Variants in SMYD3 observed in about 807,000 individuals in gnomAD.
SMYD3 encodes SET and MYND domain containing 3.
SMYD3 carries 36 observed loss-of-function variants against 57.7 expected under a neutral mutation model. The ratio of observed to expected loss-of-function variants is 0.62; its 90% CI spans 0.48 to 0.82. The LOEUF is 0.82. Ranked by LOEUF, SMYD3 falls within the 40% of genes least tolerant of loss-of-function variation. SMYD3 has a pLI of 0.00. For missense variants in SMYD3, 515 were observed against 538.8 expected (o/e 0.96, Z 0.44); for synonymous variants, 211 against 195.0 (o/e 1.08, Z -0.68).
chr1:246,458,441 T>G (rs998140742), intron 1 of SMYD3, among the ~76,000 whole-genome samples: 1 of 61,318 alleles, frequency 1.6e-5, no homozygotes, highest in Non-Finnish European at 3.4e-5. Context: ...AGTCATTCTT[T>G]TTTTTTTTTT....
chr1:245,946,103 T>G (rs10924398), intron 5 of SMYD3, among the ~76,000 whole-genome samples: 6,708 of 152,208 alleles, frequency 0.044, 485 homozygotes, highest in African/African-American at 0.15. Context: ...GTCCTGTACA[T>G]GCACCCCCGC....
chr1:245,820,619 A>G (rs2049107897), intron 10 of SMYD3, among the ~76,000 whole-genome samples: 1 of 152,206 alleles, frequency 6.6e-6, no homozygotes, highest in Admixed American at 6.5e-5. Context: ...CTGTTTGCAG[A>G]CGACATGATT....
At chr1:245,944,848 C>T (rs540178314) in intron 5 of SMYD3, among the ~76,000 whole-genome samples, 1 of 152,158 alleles carries the variant, frequency 6.6e-6, no homozygotes, top group Admixed American at 6.5e-5. Flanking sequence ...ACATCTACCA[C>T]CATCTGATCT....
chr1:246,227,571 C>T (rs549159933), intron 5 of SMYD3, among the ~76,000 whole-genome samples: 10 of 151,866 alleles, frequency 6.6e-5, no homozygotes, highest in Non-Finnish European at 1.2e-4. Context: ...GCTGAGATTG[C>T]ACAACTGCAC....
intron 5 of SMYD3, among the ~76,000 whole-genome samples, chr1:245,936,884 T>A (rs1004394703): frequency 1.3e-5 from 2 of 152,196 alleles, no homozygotes; most frequent in African/African-American, 4.8e-5. Context: ...ATAATGTTTT[T>A]ACAAAACTAA....
chr1:245,923,396 G>A (rs1252245756), intron 7 of SMYD3, among the ~76,000 whole-genome samples: 3 of 151,944 alleles, frequency 2.0e-5, no homozygotes, highest in Admixed American at 6.6e-5. Context: ...TTTACTGGGC[G>A]CCTCCTATAG....
intron 5 of SMYD3, among the ~76,000 whole-genome samples, chr1:246,127,477 T>C (rs948245037): frequency 6.6e-6 from 1 of 152,214 alleles, no homozygotes; most frequent in Non-Finnish European, 1.5e-5. Flanking sequence ...TATTTTGTTT[T>C]AGTATTTTGT....
At chr1:246,420,821 T>C (rs569511487) in intron 1 of SMYD3, among the ~76,000 whole-genome samples, 1 of 152,300 alleles carries the variant, frequency 6.6e-6, no homozygotes, top group Non-Finnish European at 1.5e-5. Flanking sequence ...GGGCAAAAAA[T>C]CATTAGCTGG....
intron 5 of SMYD3, among the ~76,000 whole-genome samples, chr1:246,028,836 A>G (rs2059619811): frequency 3.3e-5 from 5 of 152,226 alleles, no homozygotes; most frequent in Admixed American, 2.6e-4. Context: ...AAAATATGCT[A>G]CAAAGCTATA....
intron 5 of SMYD3, among the ~76,000 whole-genome samples, chr1:246,061,773 A>C (rs1373146709): frequency 6.6e-6 from 1 of 152,056 alleles, no homozygotes; most frequent in East Asian, 1.9e-4. Context: ...ATACACAAAA[A>C]CCCAGAAACA....
At chr1:246,284,339 G>T (rs1352235156) in intron 5 of SMYD3, among the ~76,000 whole-genome samples, 2 of 152,112 alleles carry the variant, frequency 1.3e-5, no homozygotes, top group African/African-American at 4.8e-5. Flanking sequence ...AGGGTTACCA[G>T]GTCAGCAACG....
At chr1:246,262,750 TA>T (rs1201365142) in intron 5 of SMYD3, among the ~76,000 whole-genome samples, 1 of 152,200 alleles carries the variant, frequency 6.6e-6, no homozygotes, top group African/African-American at 2.4e-5. Context: ...CTTGTCTCTA[TA>T]AAATAAACAT....
intron 2 of SMYD3, among the ~76,000 whole-genome samples, chr1:246,338,685 A>C (rs572099135): frequency 6.6e-6 from 1 of 152,300 alleles, no homozygotes; most frequent in East Asian, 1.9e-4. Context: ...TCTATAACAC[A>C]ATTCTTTCAG....
At chr1:246,383,775 A>G (rs1027844530) in intron 1 of SMYD3, among the ~76,000 whole-genome samples, 1 of 152,218 alleles carries the variant, frequency 6.6e-6, no homozygotes, top group Admixed American at 6.5e-5. Flanking sequence ...AAGTTAACAA[A>G]TAACTCCTTT....
chr1:245,846,245 C>T (rs527660003), intron 10 of SMYD3, among the ~76,000 whole-genome samples: 4 of 152,212 alleles, frequency 2.6e-5, no homozygotes, highest in East Asian at 1.9e-4. Flanking sequence ...GACGTCAGTC[C>T]GACGGCCCAG....
intron 1 of SMYD3, among the ~76,000 whole-genome samples, chr1:246,485,615 C>CCA (rs1553355388): frequency 1.3e-5 from 2 of 151,608 alleles, no homozygotes; most frequent in African/African-American, 4.8e-5. Context: ...GACCCCCCCC[C>CCA]ACATCTCTAC....
At chr1:246,245,552 C>T (rs2063689152) in intron 5 of SMYD3, among the ~76,000 whole-genome samples, 1 of 151,974 alleles carries the variant, frequency 6.6e-6, no homozygotes, top group South Asian at 2.1e-4. Context: ...AGGAAAATCT[C>T]AACCCTTAAA....
rs71299006 is a variant in SMYD3 at position 246,273,135 on chromosome 1, C to CTTTTTTTTTTTTTTTTTT, written c.531+54065_531+54066insAAAAAAAAAAAAAAAAAA. On this transcript the variant is annotated intron_variant, in intron 5 of 11. Coordinates refer to ENST00000490107, the MANE Select transcript of SMYD3 (RefSeq NM_001167740.2). ...TGATTCATAATAATGTCCCTGTTTT[C>CTTTTTTTTTTTTTTTTTT]TTTTTTTTTTTTTTTTTCTTTTTTT... Among the ~76,000 whole-genome samples the CTTTTTTTTTTTTTTTTTT allele has an allele frequency of 1.1e-3, 115 of 107,562 alleles. 2 individuals are homozygous for CTTTTTTTTTTTTTTTTTT. Among genetic ancestry groups the CTTTTTTTTTTTTTTTTTT allele is most frequent in the African/African-American group, 1.4e-3 (38 of 27,374 alleles). 70.6% of individuals were successfully genotyped at this position (107,562 alleles called of 152,430 possible).
chr1:245,777,977 G>T (rs1030734208), intron 10 of SMYD3, among the ~76,000 whole-genome samples: 1 of 151,864 alleles, frequency 6.6e-6, no homozygotes, highest in Non-Finnish European at 1.5e-5. Flanking sequence ...ACCCCCCAAA[G>T]AAATAAAGAC....
Sources: gnomAD v4.1 joint callset for allele counts (sites outside exome capture counted in the v4.1 genomes callset) on GRCh38, gnomAD v4.1.1 for gene constraint, MANE v1.5 for transcripts, NCBI Gene and HGNC (gene_info 2026-07-23, HGNC 2026-07-21) for gene names.